ZFHX3: variants seen among roughly 807,000 people sequenced by gnomAD.
The protein encoded by ZFHX3 is zinc finger homeobox 3.
Under a neutral mutation model 279.1 loss-of-function variants are expected in ZFHX3, and 42 were observed. The observed-to-expected ratio is 0.15, with a 90% CI of 0.12 to 0.19. The LOEUF (loss-of-function observed/expected upper bound fraction) is 0.19, where lower values mean the gene tolerates loss of function less well. Among genes scored for constraint, ZFHX3 ranks in the 10% least tolerant of loss-of-function variants. ZFHX3 has a pLI of 1.00. For missense variants in ZFHX3, 4,981 were observed against 4,754.0 expected, an observed-to-expected ratio of 1.05 and a Z score of -1.40; for synonymous variants, 2,293 against 1,957.8, an observed-to-expected ratio of 1.17 and a Z score of -4.52.
intron 1 of ZFHX3, among the ~76,000 whole-genome samples, chr16:72,975,285 T>C (rs1438426341): frequency 6.6e-6 from 1 of 152,084 alleles, no homozygotes; most frequent in East Asian, 1.9e-4. Context: ...ATACTAAAAA[T>C]ACAAAACTTA....
chr16:72,980,822 C>A (rs896307127), intron 1 of ZFHX3, among the ~76,000 whole-genome samples: 1 of 152,230 alleles, frequency 6.6e-6, no homozygotes, highest in East Asian at 1.9e-4. Context: ...AGCATGATAT[C>A]GTTGGCTTCA....
chr16:73,325,094 A>G (rs758944924), intron 3 of ZFHX3, among the ~76,000 whole-genome samples: 3 of 152,202 alleles, frequency 2.0e-5, no homozygotes, highest in Non-Finnish European at 4.4e-5. Context: ...GCTGCGAAGT[A>G]GAGAATGGAT....
intron 1 of ZFHX3, among the ~76,000 whole-genome samples, chr16:72,984,386 G>A (rs2144551081): frequency 6.6e-6 from 1 of 152,284 alleles, no homozygotes; most frequent in Non-Finnish European, 1.5e-5. Flanking sequence ...CAGTACTCTG[G>A]GAGGCTGAGG....
intron 5 of ZFHX3, among the ~76,000 whole-genome samples, chr16:73,205,639 A>AGT (rs1033896544): frequency 7.2e-5 from 11 of 151,966 alleles, no homozygotes; most frequent in African/African-American, 2.2e-4. Flanking sequence ...TGTGGCTGTG[A>AGT]GTGTGTGTGT....
chr16:73,060,967 G>A (rs1165903614), upstream of ZFHX3: 2 of 151,938 alleles, frequency 1.3e-5, no homozygotes, highest in Admixed American at 6.5e-5. Context: ...ATTTTGCAGG[G>A]TTACCTCATC....
chr16:72,836,810 T>C (rs945533302), intron 4 of ZFHX3, among the ~76,000 whole-genome samples: 1 of 152,062 alleles, frequency 6.6e-6, no homozygotes, highest in African/African-American at 2.4e-5. Context: ...AACCCTATGG[T>C]AGTCCAGGCA....
chr16:73,343,999 A>C (rs1455368818), intron 3 of ZFHX3, among the ~76,000 whole-genome samples: 1 of 152,352 alleles, frequency 6.6e-6, no homozygotes. Flanking sequence ...ACTGGTTCAA[A>C]TAAGAAGTGC....
At chr16:73,454,888 T>G (rs1440458980) in intron 3 of ZFHX3, among the ~76,000 whole-genome samples, 1 of 151,556 alleles carries the variant, frequency 6.6e-6, no homozygotes, top group African/African-American at 2.4e-5. Flanking sequence ...GCTAGGATAT[T>G]CAAGTATAAG....
intron 1 of ZFHX3, among the ~76,000 whole-genome samples, chr16:73,846,780 A>C (rs1333187882): frequency 6.6e-6 from 1 of 152,220 alleles, no homozygotes; most frequent in African/African-American, 2.4e-5. Flanking sequence ...GACACTTTAA[A>C]AGACACATTA....
At chr16:73,045,680 A>ATTATTG (rs1361089940) in intron 1 of ZFHX3, among the ~76,000 whole-genome samples, 1 of 137,206 alleles carries the variant, frequency 7.3e-6, no homozygotes, top group Admixed American at 7.2e-5. Context: ...TATTATTATT[A>ATTATTG]TTATTGAATA....
At chr16:73,183,754 G>A (rs562931459) in intron 5 of ZFHX3, among the ~76,000 whole-genome samples, 5 of 152,256 alleles carry the variant, frequency 3.3e-5, no homozygotes, top group East Asian at 1.9e-4. Flanking sequence ...TCCAGGGTGC[G>A]TCCTTATCTG....
At chr16:73,698,278 G>A (rs945564699) in intron 1 of ZFHX3, among the ~76,000 whole-genome samples, 1 of 152,126 alleles carries the variant, frequency 6.6e-6, no homozygotes, top group Admixed American at 6.5e-5. Flanking sequence ...AAATGGAAGA[G>A]AAAAGATAGC....
rs966708564 is a variant in ZFHX3 at position 73,211,670 on chromosome 16, GT to G, written c.-1104+45376del. ...TGTATTTAAATCCCAAAGAATCTAT[GT>G]TTTTTTTTTTTTAACCAATCAAGTT... On this transcript the variant is annotated intron_variant, in intron 5 of 17. Coordinates refer to the ZFHX3 transcript ENST00000641206. Among the ~76,000 whole-genome samples the G allele has an allele frequency of 3.2e-3, 462 of 142,982 alleles. 2 individuals are homozygous for G. The highest frequency in any genetic ancestry group is 5.0e-3 in the African/African-American group (196 of 39,260). The allele number at this position is 142,982 out of a possible 152,430, so 93.8% of individuals were successfully genotyped here. A position where few individuals can be genotyped will look rare whatever the true frequency, so the allele number is the denominator to read the frequency against.
chr16:72,871,331 A>G (rs1182355445), intron 4 of ZFHX3, among the ~76,000 whole-genome samples: 1 of 147,094 alleles, frequency 6.8e-6, no homozygotes, highest in Non-Finnish European at 1.5e-5. Flanking sequence ...GCCTGCCACC[A>G]TGCCCGGCTA....
Position 72,829,771 on chromosome 16 carries a change from T to A in ZFHX3, c.3529+8A>T. 6.2e-7 allele frequency: 1 copy of A among 1,614,192 alleles called. No homozygotes were observed. The highest frequency in any genetic ancestry group is 8.5e-7 in the Non-Finnish European group (1 of 1,180,032). ...CACTACCTGTCCACTTGCCCTGGTCTTTCTCACCTCCGCCCTCTTGGTCCT... is the reference window on the plus strand; with the variant it reads ...CACTACCTGTCCACTTGCCCTGGTCATTCTCACCTCCGCCCTCTTGGTCCT... On this transcript the variant is annotated splice_region_variant and intron_variant, in intron 5 of 9. Transcript: ENST00000268489.
intron 1 of ZFHX3, among the ~76,000 whole-genome samples, chr16:73,766,861 T>C (rs757060670): frequency 6.6e-6 from 1 of 151,924 alleles, no homozygotes; most frequent in Admixed American, 6.6e-5. Flanking sequence ...CCATTCAAAA[T>C]CATTATCTCA....
At chr16:73,062,785 T>G (rs938115196), upstream of ZFHX3, among the ~76,000 whole-genome samples, 1 of 151,944 alleles carries the variant, frequency 6.6e-6, no homozygotes, top group African/African-American at 2.4e-5. Flanking sequence ...AGGACGCCTC[T>G]CCGTACAACT....
chr16:72,897,415 G>A (rs2038925559), intron 3 of ZFHX3, among the ~76,000 whole-genome samples: 1 of 151,300 alleles, frequency 6.6e-6, no homozygotes, highest in Admixed American at 6.6e-5. Context: ...AGCATTTACT[G>A]TGGGTGCGGC....
intron 5 of ZFHX3, among the ~76,000 whole-genome samples, chr16:73,186,092 A>G (rs1372644359): frequency 6.6e-6 from 1 of 151,814 alleles, no homozygotes; most frequent in African/African-American, 2.4e-5. Flanking sequence ...TCACCCCCAC[A>G]TGGGACCATC....
Sources: gnomAD v4.1 joint callset for allele counts (sites outside exome capture counted in the v4.1 genomes callset) on GRCh38, gnomAD v4.1.1 for gene constraint, MANE v1.5 for transcripts, NCBI Gene and HGNC (gene_info 2026-07-23, HGNC 2026-07-21) for gene names.